Variants in PRRC2C observed in about 807,000 individuals in gnomAD.
The protein encoded by PRRC2C is proline rich coiled-coil 2C, also known as protein PRRC2C.
PRRC2C carries 72 observed loss-of-function variants against 317.2 expected under a neutral mutation model. The ratio of observed to expected loss-of-function variants is 0.23; its 90% CI spans 0.19 to 0.28. The LOEUF (loss-of-function observed/expected upper bound fraction) is 0.28. PRRC2C is among the 10% of genes least tolerant of loss of function. The probability of loss-of-function intolerance (pLI) is 1.00; values close to 1 mark genes in which losing one functional copy is unlikely to be tolerated. For missense variants in PRRC2C, 3,074 were observed against 3,459.7 expected (o/e 0.89, Z 2.80); for synonymous variants, 1,296 against 1,205.9 (o/e 1.07, Z -1.55).
chr1:171,553,061 G>A (rs546977701), intron 18 of PRRC2C, among the ~76,000 whole-genome samples: 1 of 152,274 alleles, frequency 6.6e-6, no homozygotes, highest in South Asian at 2.1e-4. Context: ...TGTACCTCTG[G>A]TAGAATTCAG....
At chr1:171,521,962 G>A (rs372494214) in intron 6 of PRRC2C, among the ~76,000 whole-genome samples, 1 of 152,052 alleles carries the variant, frequency 6.6e-6, no homozygotes, top group African/African-American at 2.4e-5. Flanking sequence ...ATGTGCTCTA[G>A]TTATTCTATT....
At chr1:171,512,302 C>A in intron 2 of PRRC2C, 102 bp downstream of exon 2, 2 of 824,538 alleles carry the variant, frequency 2.4e-6, no homozygotes, top group Non-Finnish European at 4.0e-6. Context: ...CAAGTTAATA[C>A]AATGCTATTT....
rs563229328 is a variant in PRRC2C, at chr1:171,507,076, G to T, written c.-57-4956G>T. 2.0e-5 allele frequency among the ~76,000 whole-genome samples: 3 copies of T among 152,056 alleles called. No homozygotes were observed. The East Asian group carries it at 5.8e-4, about 29-fold the overall frequency. On this transcript the variant is annotated intron_variant, in intron 1 of 34. Transcript: ENST00000647382. ...CAGTTAAGTTACTGGGAAACTGTTTGATCTTTTCAAGTGTAGCTTTAAGGT... is the reference window on the plus strand; with the variant it reads ...CAGTTAAGTTACTGGGAAACTGTTTTATCTTTTCAAGTGTAGCTTTAAGGT...
rs759090518 is a variant in PRRC2C at position 171,560,979 on chromosome 1, T to G, written c.6032-39T>G. On this transcript the variant is annotated intron_variant, in intron 19 of 34. Coordinates refer to ENST00000647382, the MANE Select transcript of PRRC2C (RefSeq NM_001387844.1). ...AAATGGGTTAGAGATTATTAGACTC[T>G]AAATCTTAATCATGTTTTTTATGGC... 2.0e-6 allele frequency: 3 copies of G among 1,490,108 alleles called. No homozygotes were observed. In the South Asian group the frequency reaches 3.4e-5, roughly 17 times the overall value. The allele number at this position is 1,490,108 out of a possible 1,614,324, so 92.3% of individuals were successfully genotyped here. A position where few individuals can be genotyped will look rare whatever the true frequency, so the allele number is the denominator to read the frequency against.
At chr1:171,558,635 A>G (rs1349583858) in intron 19 of PRRC2C, among the ~76,000 whole-genome samples, 1 of 152,248 alleles carries the variant, frequency 6.6e-6, no homozygotes, top group Non-Finnish European at 1.5e-5. Context: ...CAAATAAGAT[A>G]GTGAACTTAA....
chr1:171,489,155 A>T (rs917782043), intron 1 of PRRC2C, among the ~76,000 whole-genome samples: 9 of 152,202 alleles, frequency 5.9e-5, no homozygotes, highest in African/African-American at 1.9e-4. Context: ...AAAAGAATAG[A>T]CCCACAAGAT....
chr1:171,514,517 A>C lies in PRRC2C; in HGVS notation c.291-19A>C. 6.6e-7 allele frequency: 1 copy of C among 1,513,396 alleles called. No homozygotes were observed. The highest frequency in any genetic ancestry group is 9.0e-7 in the Non-Finnish European group (1 of 1,113,312). The allele number at this position is 1,513,396 out of a possible 1,614,324, so 93.7% of individuals were successfully genotyped here. A position where few individuals can be genotyped will look rare whatever the true frequency, so the allele number is the denominator to read the frequency against. ...AAACATACAGTATCTGAAATAATGG[A>C]TTCATATTTTTTTTTAAGAACACCA... On this transcript the variant is annotated intron_variant, in intron 3 of 34. Transcript: ENST00000647382.
At chr1:171,505,093 T>A (rs1253020040) in intron 1 of PRRC2C, among the ~76,000 whole-genome samples, 1 of 151,506 alleles carries the variant, frequency 6.6e-6, no homozygotes, top group African/African-American at 2.4e-5. Flanking sequence ...AATGGCACGA[T>A]CTCTGCTCAT....
chr1:171,564,711 G>A (rs1683325047), intron 20 of PRRC2C, among the ~76,000 whole-genome samples: 1 of 152,112 alleles, frequency 6.6e-6, no homozygotes, highest in Non-Finnish European at 1.5e-5. Flanking sequence ...GAATACCGTA[G>A]GCAGTTGTAA....
intron 30 of PRRC2C, among the ~76,000 whole-genome samples, chr1:171,586,007 T>C (rs1318626159): frequency 6.6e-6 from 1 of 150,774 alleles, no homozygotes; most frequent in East Asian, 1.9e-4. Context: ...ACTTTGTGCA[T>C]GAAACAGAAG....
chr1:171,506,357 G>C (rs1670218701), intron 1 of PRRC2C, among the ~76,000 whole-genome samples: 1 of 152,106 alleles, frequency 6.6e-6, no homozygotes, highest in African/African-American at 2.4e-5. Context: ...ATTTTCTCTT[G>C]TTACTTTTAA....
intron 28 of PRRC2C, among the ~76,000 whole-genome samples, chr1:171,580,976 T>G (rs1029331870): frequency 2.0e-5 from 3 of 152,190 alleles, no homozygotes; most frequent in Admixed American, 6.5e-5. Flanking sequence ...ATAATGATAC[T>G]CCTAGAGAAG....
chr1:171,536,110 A>T lies in PRRC2C; in HGVS notation c.2125A>T (p.Ser709Cys), dbSNP rs1443549018. Residue 709 changes from serine (S) to cysteine (C), a missense_variant, in exon 14 of 35, where the codon AGT becomes TGT. Coordinates refer to ENST00000647382, the MANE Select transcript of PRRC2C (RefSeq NM_001387844.1). ...PQTVPSQPSS[S>C]TVPPPPHRPL... ...GACTGTTCCTTCACAACCGTCCAGT[A>T]GTACTGTCCCTCCTCCACCACACAG... The T allele has an allele frequency of 3.8e-6, 6 of 1,568,482 alleles. No individual in the cohort carries two copies. In the Admixed American group the frequency reaches 1.1e-4, roughly 30 times the overall value.
intron 20 of PRRC2C, 92 bp from the exon 21 acceptor site, chr1:171,566,140 AC>A: frequency 9.9e-7 from 1 of 1,006,938 alleles, no homozygotes. Flanking sequence ...ATTGTCTTAA[AC>A]CTTCTATTGT....
At chr1:171,516,213 G>A (rs1365267971) in intron 5 of PRRC2C, among the ~76,000 whole-genome samples, 2 of 151,976 alleles carry the variant, frequency 1.3e-5, no homozygotes, top group East Asian at 3.8e-4. Flanking sequence ...ATTAATATTC[G>A]GTGATTCCTC....
At chr1:171,493,857 GT>G (rs1401658161) in intron 1 of PRRC2C, among the ~76,000 whole-genome samples, 1 of 152,140 alleles carries the variant, frequency 6.6e-6, no homozygotes, top group Non-Finnish European at 1.5e-5. Flanking sequence ...TAATATATTA[GT>G]TTTGCAAATA....
chr1:171,580,735 TGAG>T (rs1648381057), intron 28 of PRRC2C, among the ~76,000 whole-genome samples: 1 of 151,824 alleles, frequency 6.6e-6, no homozygotes, highest in South Asian at 2.1e-4. Context: ...GGAAGAAGAG[TGAG>T]TAAGAGTCAG....
rs138391946 is a variant in PRRC2C, at chr1:171,581,164, C to T, written c.7409+1200C>T. 2.4e-4 allele frequency among the ~76,000 whole-genome samples: 37 copies of T among 152,230 alleles called. 1 individual carries two copies. In the South Asian group the frequency reaches 3.7e-3, roughly 15 times the overall value. ...TCCTCATTTTACTCTCATTTAATTT[C>T]GTTATTTTCTCCCGTTAGAAGCCCC... On this transcript the variant is annotated intron_variant, in intron 28 of 34. Coordinates refer to ENST00000647382, the MANE Select transcript of PRRC2C (RefSeq NM_001387844.1).
At chr1:171,521,373 A>G (rs1673519102) in intron 6 of PRRC2C, among the ~76,000 whole-genome samples, 2 of 152,220 alleles carry the variant, frequency 1.3e-5, no homozygotes, top group Non-Finnish European at 2.9e-5. Context: ...ATTTGTTCCC[A>G]GAATCTATCT....
Sources: allele counts gnomAD v4.1 joint callset (sites outside exome capture counted in the v4.1 genomes callset), GRCh38; gene constraint gnomAD v4.1.1; transcripts MANE v1.5; gene names NCBI Gene and HGNC (gene_info 2026-07-23, HGNC 2026-07-21).